Variants in MARK2 observed in about 807,000 individuals in gnomAD.
The protein encoded by MARK2 is serine/threonine-protein kinase MARK2.
A neutral mutation model predicts 89.8 loss-of-function variants in MARK2; 16 were observed. The ratio of observed to expected loss-of-function variants is 0.18; its 90% confidence interval spans 0.12 to 0.27. The LOEUF (loss-of-function observed/expected upper bound fraction) is 0.27, where lower values mean the gene tolerates loss of function less well. Ranked by LOEUF, MARK2 falls within the 10% of genes least tolerant of loss-of-function variation. The pLI, the probability that MARK2 is intolerant of heterozygous loss-of-function variation, is 1.00. For missense variants in MARK2, 621 were observed against 1,049.9 expected (o/e 0.59, Z 5.65); for synonymous variants, 382 against 399.5 (o/e 0.96, Z 0.52).
intron 1 of MARK2, among the ~76,000 whole-genome samples, chr11:63,852,752 T>C (rs2016635358): frequency 6.6e-6 from 1 of 152,150 alleles, no homozygotes; most frequent in Non-Finnish European, 1.5e-5. Context: ...TAATGTACCT[T>C]ACTGCGTCTT....
At chr11:63,858,759 T>C (rs761043121) in intron 1 of MARK2, among the ~76,000 whole-genome samples, 2 of 152,186 alleles carry the variant, frequency 1.3e-5, no homozygotes, top group Non-Finnish European at 2.9e-5. Context: ...TGAGAACTCT[T>C]TTGTAAACAG....
intron 1 of MARK2, among the ~76,000 whole-genome samples, chr11:63,843,746 C>T (rs2016138074): frequency 6.6e-6 from 1 of 152,092 alleles, no homozygotes; most frequent in Non-Finnish European, 1.5e-5. Flanking sequence ...GCCTCAGCCT[C>T]CTGGGAGTAG....
chr11:63,885,716 C>T (rs1939354141), intron 1 of MARK2, among the ~76,000 whole-genome samples: 1 of 152,034 alleles, frequency 6.6e-6, no homozygotes, highest in African/African-American at 2.4e-5. Flanking sequence ...CACCTGTAAT[C>T]CCAGCTATTT....
intron 1 of MARK2, among the ~76,000 whole-genome samples, chr11:63,888,065 A>G (rs1565124311): frequency 6.6e-6 from 1 of 152,236 alleles, no homozygotes; most frequent in East Asian, 1.9e-4. Flanking sequence ...TAGAAAACAT[A>G]CACCTCATAG....
Position 63,888,963 on chromosome 11 carries a change from G to C in MARK2, c.55-6196G>C, listed in dbSNP as rs74571022. ...GTAGTCCTTTTCCCTTTCTCCAGTC[G>C]GGTATGTTGTCCCCCTTTTTACTCT... On this transcript the variant is annotated intron_variant, in intron 1 of 18. Coordinates refer to ENST00000402010, the MANE Select transcript of MARK2 (RefSeq NM_001039469.3). 149 of 1,351,476 alleles carry C rather than the reference G, an allele frequency of 1.1e-4. No individual in the cohort carries two copies. The East Asian group carries it at 5.1e-3, about 46-fold the overall frequency. The allele number at this position is 1,351,476 out of a possible 1,614,324, so 83.7% of individuals were successfully genotyped here. A position where few individuals can be genotyped will look rare whatever the true frequency, so the allele number is the denominator to read the frequency against.
intron 1 of MARK2, among the ~76,000 whole-genome samples, chr11:63,872,746 G>T (rs1938526605): frequency 6.6e-6 from 1 of 152,158 alleles, no homozygotes; most frequent in South Asian, 2.1e-4. Flanking sequence ...TTATGCAGCT[G>T]GTTGGCTCTG....
intron 1 of MARK2, among the ~76,000 whole-genome samples, chr11:63,865,174 C>T (rs1015971765): frequency 6.6e-6 from 1 of 152,166 alleles, no homozygotes; most frequent in Non-Finnish European, 1.5e-5. Flanking sequence ...TACAGGCAGT[C>T]GCCATTGTAT....
chr11:63,857,149 G>A (rs184783398), intron 1 of MARK2, among the ~76,000 whole-genome samples: 13 of 151,714 alleles, frequency 8.6e-5, no homozygotes, highest in Admixed American at 1.3e-4. Flanking sequence ...CTTTTTGTTC[G>A]TTTTCTTTCT....
At chr11:63,884,853 G>C (rs1199549809) in intron 1 of MARK2, among the ~76,000 whole-genome samples, 1 of 152,172 alleles carries the variant, frequency 6.6e-6, no homozygotes, top group Non-Finnish European at 1.5e-5. Context: ...ACAGTTTCTG[G>C]ATACAGTGAG....
rs1480449645 is a variant in MARK2 at position 63,909,451 on chromosome 11, TC to T, written c.*219del. On this transcript the variant is annotated 3_prime_UTR_variant, in exon 19 of 19. Transcript: ENST00000402010. ...CCCACATTCACCCCTGCCCAGAGAT[TC>T]CCCCTTCTCCTCTCCCCTACTGGAG... 3 of 466,168 alleles carry T rather than the reference TC, an allele frequency of 6.4e-6. No homozygotes were observed. The highest frequency in any genetic ancestry group is 6.1e-5 in the African/African-American group (3 of 49,128). 28.9% of individuals were successfully genotyped at this position (466,168 alleles called of 1,614,324 possible).
chr11:63,904,187 G>C lies in MARK2; in HGVS notation c.1676+40G>C. Reference sequence around the variant, plus strand: ...GCAGCTGGTGCACCTGCTGCCCTCAGCCCACCCTACCCCCTTGCCCCAACA... The same window carrying C: ...GCAGCTGGTGCACCTGCTGCCCTCACCCCACCCTACCCCCTTGCCCCAACA... On this transcript the variant is annotated intron_variant, in intron 15 of 18. Transcript: ENST00000402010. This position sits in a 1 kb window ranked among gnomAD's most constrained non-coding sequence, Gnocchi z 6.3. The C allele has an allele frequency of 6.7e-7, 1 of 1,503,384 alleles. No individual in the cohort carries two copies. The highest frequency in any genetic ancestry group is 8.9e-7 in the Non-Finnish European group (1 of 1,128,566). The allele number at this position is 1,503,384 out of a possible 1,614,324, so 93.1% of individuals were successfully genotyped here. A position where few individuals can be genotyped will look rare whatever the true frequency, so the allele number is the denominator to read the frequency against.
intron 1 of MARK2, chr11:63,888,511 G>T: frequency 9.9e-7 from 1 of 1,009,904 alleles, no homozygotes; most frequent in Non-Finnish European, 1.2e-6. Context: ...GAGGGGAGAA[G>T]GAAGTTGATC....
intron 6 of MARK2, 98 bp downstream of exon 6, chr11:63,898,931 G>A: frequency 7.9e-7 from 1 of 1,272,416 alleles, no homozygotes; most frequent in Non-Finnish European, 1.1e-6. Flanking sequence ...CCCTTGGAGG[G>A]TACTTTGGGC....
Position 63,899,127 on chromosome 11 carries a change from C to A in MARK2, c.531+19C>A. 6.3e-7 allele frequency: 1 copy of A among 1,580,212 alleles called. No individual in the cohort carries two copies. The highest frequency in any genetic ancestry group is 8.7e-7 in the Non-Finnish European group (1 of 1,151,854). On this transcript the variant is annotated intron_variant, in intron 7 of 18. Transcript: ENST00000402010. ...CTTAAAGGTAAGGCATGCACTTCTC[C>A]TTGTGCCTTTGAGTGGGAGCCAGGT...
chr11:63,854,217 T>A (rs1166506209), intron 1 of MARK2, among the ~76,000 whole-genome samples: 1 of 121,122 alleles, frequency 8.3e-6, no homozygotes, highest in Admixed American at 9.6e-5. Flanking sequence ...TGTGTGTGTG[T>A]GTGACAAGGT....
chr11:63,857,349 G>A (rs1441652645), intron 1 of MARK2, among the ~76,000 whole-genome samples: 2 of 151,704 alleles, frequency 1.3e-5, no homozygotes, highest in African/African-American at 4.9e-5. Context: ...TAGTAGAGAC[G>A]GGGTTTCTCC....
At position 63,900,989 on chromosome 11, in the gene MARK2, G is replaced by C; in HGVS notation, c.1021G>C (p.Glu341Gln). The change falls in exon 11 of 19, where the codon GAG becomes CAG. Residue 341 changes from glutamate (E) to glutamine (Q), a missense_variant. Physicochemically the swap from Glu to Gln is conservative, Grantham distance 29. Coordinates refer to ENST00000402010, the MANE Select transcript of MARK2 (RefSeq NM_001039469.3). The surrounding 1 kb of genome is among the most constrained non-coding windows in gnomAD (Gnocchi z 4.7). ...LMVSMGYTRE[E>Q]IQDSLVGQRY... ...GGTGTCCATGGGTTATACACGGGAA[G>C]AGATCCAGGACTCGCTGGTGGGCCA... 6.2e-7 allele frequency: 1 copy of C among 1,614,162 alleles called. No homozygotes were observed. The highest frequency in any genetic ancestry group is 2.2e-5 in the East Asian group (1 of 44,886).
rs1415671030 is a variant in MARK2, at chr11:63,909,165, T to G, written c.2295T>G (p.Phe765Leu). ...LPRLSLNGVR[F>L]KRISGTSMAF... ...GGCTCTCTCTCAACGGGGTTCGATTTAAGCGGATATCGGGCACCTCCATGG... is the reference window on the plus strand; with the variant it reads ...GGCTCTCTCTCAACGGGGTTCGATTGAAGCGGATATCGGGCACCTCCATGG... The change falls in exon 19 of 19, where the codon TTT becomes TTG. Residue 765 changes from phenylalanine to leucine, a missense_variant. By Grantham distance (22) the Phe-to-Leu change is conservative. Coordinates refer to ENST00000402010, the MANE Select transcript of MARK2 (RefSeq NM_001039469.3). The G allele has an allele frequency of 6.2e-7, 1 of 1,612,568 alleles. No homozygotes were observed. The highest frequency in any genetic ancestry group is 8.5e-7 in the Non-Finnish European group (1 of 1,178,754).
At chr11:63,846,622 T>C (rs1417438749) in intron 1 of MARK2, among the ~76,000 whole-genome samples, 1 of 150,718 alleles carries the variant, frequency 6.6e-6, no homozygotes, top group East Asian at 2.0e-4. Flanking sequence ...AGTGCTAGGA[T>C]TATAGGCATG....
Sources: allele counts gnomAD v4.1 joint callset (sites outside exome capture counted in the v4.1 genomes callset), GRCh38; gene constraint gnomAD v4.1.1; non-coding constraint Gnocchi (gnomAD v3.1); transcripts MANE v1.5; gene names NCBI Gene and HGNC (gene_info 2026-07-23, HGNC 2026-07-21).